CRIP2: variants seen among roughly 807,000 people sequenced by gnomAD.
CRIP2 encodes cysteine-rich protein 2.
Under a neutral mutation model 31.3 loss-of-function variants are expected in CRIP2, and 31 were observed. That is an observed-to-expected ratio of 0.99 (90% CI 0.74 to 1.34). The LOEUF (loss-of-function observed/expected upper bound fraction) is 1.34, where lower values mean the gene tolerates loss of function less well. Ranked by LOEUF, CRIP2 falls within the 40% of genes most tolerant of loss-of-function variation. The pLI, the probability that CRIP2 is intolerant of heterozygous loss-of-function variation, is 0.00. For missense variants in CRIP2, 389 were observed against 301.6 expected, an observed-to-expected ratio of 1.29 and a Z score of -2.15; for synonymous variants, 177 against 127.2, an observed-to-expected ratio of 1.39 and a Z score of -2.63.
rs1555436753 is a variant in CRIP2, at chr14:105,479,223, AG to A, written c.501+8del. On this transcript the variant is annotated splice_donor_5th_base_variant and intron_variant, in intron 6 of 7. Transcript: ENST00000329146. ...GACCCCCGGCGGGCACGCGGAGGTG[AG>A]GGGAGTGCAACGGGGCTTGGGGGCC... is the stretch of plus-strand genomic sequence containing the variant. 6.3e-7 allele frequency: 1 copy of A among 1,593,776 alleles called. No individual in the cohort carries two copies. The highest frequency in any genetic ancestry group is 8.6e-7 in the Non-Finnish European group (1 of 1,167,046).
At position 105,478,717 on chromosome 14, in the gene CRIP2, AC is replaced by A; in HGVS notation, c.197-9del. The A allele has an allele frequency of 1.4e-6, 2 of 1,426,528 alleles. No individual in the cohort carries two copies. 88.4% of individuals were successfully genotyped at this position (1,426,528 alleles called of 1,614,324 possible). On this transcript the variant is annotated splice_polypyrimidine_tract_variant and intron_variant, in intron 3 of 7. Coordinates refer to ENST00000329146, the MANE Select transcript of CRIP2 (RefSeq NM_001312.4). This position sits in a 1 kb window ranked among gnomAD's most constrained non-coding sequence, Gnocchi z 4.9. ...CACCCCACGTACCCCCGCCCCACGT[AC>A]CCCCACCCGCAGGCGTGAACATCGG...
rs782457480 is a variant in CRIP2, at chr14:105,479,503, G to A, written c.559+10G>A. ...CTCTTCGGACCCAAGGGTGAGTGTA[G>A]CCAGGGTGGTCCACGATGTCTTCCC... is the stretch of plus-strand genomic sequence containing the variant. On this transcript the variant is annotated intron_variant, in intron 7 of 7. Transcript: ENST00000329146. 2.8e-5 allele frequency: 45 copies of A among 1,612,866 alleles called. No individual in the cohort carries two copies. The highest frequency in any genetic ancestry group is 3.8e-5 in the Non-Finnish European group (45 of 1,179,950).
chr14:105,476,394 G>C, intron 1 of CRIP2: 1 of 985,532 alleles, frequency 1.0e-6, no homozygotes, highest in Non-Finnish European at 1.2e-6. Flanking sequence ...CCTCACACCA[G>C]GCTGCCCCCG....
chr14:105,479,286 G>A, intron 6 of CRIP2, 67 bp downstream of exon 6: 8 of 1,522,422 alleles, frequency 5.3e-6, no homozygotes, highest in East Asian at 2.3e-5. Context: ...GAGGGTGAGA[G>A]GCGCGCCTAG....
intron 5 of CRIP2, 25 bp from the exon 6 acceptor site, chr14:105,479,100 C>T: frequency 6.2e-7 from 1 of 1,606,842 alleles, no homozygotes. Context: ...CCCCGGGGCT[C>T]GGCCTCACTC....
intron 1 of CRIP2, chr14:105,475,536 G>C (rs2083914120): frequency 6.6e-6 from 1 of 152,456 alleles, no homozygotes; most frequent in Admixed American, 6.5e-5. Context: ...GGGTGGGGGC[G>C]GGTGTGACAC....
intron 5 of CRIP2, 24 bp downstream of exon 5, chr14:105,479,071 A>ACCCCCGCCCCCG (rs781950464): frequency 2.6e-6 from 4 of 1,519,346 alleles, no homozygotes; most frequent in African/African-American, 1.4e-5. Context: ...CGGGCCCCGG[A>ACCCCCGCCCCCG]CCCCCGCCCC....
At chr14:105,473,426 C>A, upstream of CRIP2, 1 of 1,535,710 alleles carries the variant, frequency 6.5e-7, no homozygotes, top group Non-Finnish European at 8.7e-7. Context: ...CACAGAGAGC[C>A]CAGCCAGGAC....
rs1427462270 is a variant in CRIP2 at position 105,480,136 on chromosome 14, C to T, written c.*483C>T. 2 of 188,210 alleles carry T rather than the reference C, an allele frequency of 1.1e-5. No individual in the cohort carries two copies. Among genetic ancestry groups the T allele is most frequent in the African/African-American group, 2.4e-5 (1 of 42,476 alleles). 11.7% of individuals were successfully genotyped at this position (188,210 alleles called of 1,614,324 possible). A position where few individuals can be genotyped will look rare whatever the true frequency, so the allele number is the denominator to read the frequency against. On this transcript the variant is annotated 3_prime_UTR_variant, in exon 8 of 8. Coordinates refer to ENST00000329146, the MANE Select transcript of CRIP2 (RefSeq NM_001312.4). ...GGCTCACCTGCTGTTGAGCCTTGTG[C>T]TGTCAATAAACGGTTTGAGGATTGC...
At chr14:105,475,779 A>AT (rs1291602373) in intron 1 of CRIP2, 2 of 977,916 alleles carry the variant, frequency 2.0e-6, no homozygotes, top group Non-Finnish European at 2.4e-6. Flanking sequence ...CTCCTGGCTG[A>AT]TTCGCTGCCC....
At chr14:105,476,469 C>A in intron 1 of CRIP2, 1 of 985,570 alleles carries the variant, frequency 1.0e-6, no homozygotes, top group Non-Finnish European at 1.2e-6. Context: ...CACCCCAGAG[C>A]CCATGCAGCC....
At chr14:105,477,146 T>C (rs1031760318) in intron 1 of CRIP2, 9 of 449,062 alleles carry the variant, frequency 2.0e-5, no homozygotes, top group Non-Finnish European at 2.6e-5. Context: ...GCTTGTCCCC[T>C]TCCCTTCAGA....
At position 105,479,573 on chromosome 14, in the gene CRIP2, C is replaced by T. The variant is rs370967523; in HGVS notation, c.560-13C>T. ...CTGTTCCCCCGACCCACCCCAGCGG[C>T]CTCCCTCCACAGGAGTGAACACCGG... On this transcript the variant is annotated splice_polypyrimidine_tract_variant and intron_variant, in intron 7 of 7. Transcript: ENST00000329146. The T allele has an allele frequency of 9.3e-6, 15 of 1,612,684 alleles. No individual in the cohort carries two copies. The highest frequency in any genetic ancestry group is 2.2e-5 in the East Asian group (1 of 44,892).
At chr14:105,477,176 C>T in intron 1 of CRIP2, 1 of 711,784 alleles carries the variant, frequency 1.4e-6, no homozygotes, top group Non-Finnish European at 1.7e-6. Flanking sequence ...CTGCTGGGCC[C>T]TTCCTGCCCC....
chr14:105,478,810 G>A lies in CRIP2; in HGVS notation c.276G>A (p.Glu92=), dbSNP rs1363111204. ...AEGPQVTGPI[E]VPAARAEERK... ...GGCCGCAGGTCACCGGCCCCATCGAGGTCCCCGCGGCCCGAGCAGAGGAGC... is the reference window on the plus strand; with the variant it reads ...GGCCGCAGGTCACCGGCCCCATCGAAGTCCCCGCGGCCCGAGCAGAGGAGC... The change falls in exon 4 of 8, where the codon GAG becomes GAA. Residue 92 remains glutamate (E), a synonymous_variant. Coordinates refer to ENST00000329146, the MANE Select transcript of CRIP2 (RefSeq NM_001312.4). The surrounding 1 kb of genome is among the most constrained non-coding windows in gnomAD (Gnocchi z 4.9). The A allele has an allele frequency of 3.5e-6, 5 of 1,431,474 alleles. No individual in the cohort carries two copies. The highest frequency in any genetic ancestry group is 2.6e-5 in the East Asian group (1 of 37,998). The allele number at this position is 1,431,474 out of a possible 1,614,324, so 88.7% of individuals were successfully genotyped here.
rs781786654 is a variant in CRIP2, at chr14:105,479,170, T to C, written c.452T>C (p.Leu151Pro). The C allele has an allele frequency of 1.7e-5, 27 of 1,611,494 alleles. No homozygotes were observed. Among genetic ancestry groups the C allele is most frequent in the African/African-American group, 4.0e-5 (3 of 74,828 alleles). ...SLGKDWHRPC[L>P]RCERCGKTLT... The stretch of plus-strand genomic sequence containing the variant: ...GGCAAGGATTGGCACCGGCCCTGCC[T>C]GCGCTGCGAGCGCTGCGGGAAGACA... The change falls in exon 6 of 8, where the codon CTG (leucine) becomes CCG (proline). Residue 151 changes from leucine (L) to proline (P), a missense_variant. By Grantham distance (98) the Leu-to-Pro change is moderately conservative. Coordinates refer to ENST00000329146, the MANE Select transcript of CRIP2 (RefSeq NM_001312.4).
chr14:105,475,258 G>A (rs2083907879), intron 1 of CRIP2: 1 of 233,942 alleles, frequency 4.3e-6, no homozygotes, highest in African/African-American at 2.3e-5. Flanking sequence ...GGGCGGGGCA[G>A]GGCGTGGCTG....
chr14:105,479,309 G>C (rs1455329993), intron 6 of CRIP2, 90 bp downstream of exon 6: 1 of 1,515,314 alleles, frequency 6.6e-7, no homozygotes, highest in African/African-American at 1.4e-5. Context: ...GGGATGGGGG[G>C]TGGTGCTTCT....
chr14:105,475,251 CG>C (rs2083907630), intron 1 of CRIP2: 1 of 241,044 alleles, frequency 4.1e-6, no homozygotes, highest in Non-Finnish European at 8.0e-6. Context: ...CCGGGCGGGG[CG>C]GGGCAGGGCG....
Sources: gnomAD v4.1 joint callset for allele counts on GRCh38, gnomAD v4.1.1 for gene constraint, Gnocchi (gnomAD v3.1) non-coding constraint, MANE v1.5 for transcripts, NCBI Gene and HGNC (gene_info 2026-07-23, HGNC 2026-07-21) for gene names.